Variants in RAB3GAP1 observed in about 807,000 individuals in gnomAD.
RAB3GAP1 encodes rab3 GTPase-activating protein catalytic subunit.
Under a neutral mutation model 130.7 loss-of-function variants are expected in RAB3GAP1, and 86 were observed. The ratio of observed to expected loss-of-function variants is 0.66; its 90% CI spans 0.55 to 0.79. The LOEUF (loss-of-function observed/expected upper bound fraction) is 0.79. RAB3GAP1 is among the 30% of genes least tolerant of loss of function. RAB3GAP1 has a pLI of 0.00. For missense variants in RAB3GAP1, 1,029 were observed against 1,169.4 expected (o/e 0.88, Z 1.75); for synonymous variants, 367 against 401.7 (o/e 0.91, Z 1.03).
At chr2:135,121,640 T>C (rs1691204652) in intron 8 of RAB3GAP1, among the ~76,000 whole-genome samples, 1 of 152,236 alleles carries the variant, frequency 6.6e-6, no homozygotes, top group Non-Finnish European at 1.5e-5. Flanking sequence ...ATACAAACTT[T>C]TAAAATATAA....
intron 24 of RAB3GAP1, among the ~76,000 whole-genome samples, chr2:135,175,866 A>G (rs1280580711): frequency 6.6e-6 from 1 of 152,242 alleles, no homozygotes; most frequent in Non-Finnish European, 1.5e-5. Flanking sequence ...AAAGATATGC[A>G]AGGTTTCCAG....
At position 135,130,542 on chromosome 2, in the gene RAB3GAP1, CTT is replaced by C. The variant is rs908592417; in HGVS notation, c.1067-6_1067-5del. The C allele has an allele frequency of 1.9e-6, 3 of 1,607,850 alleles. No homozygotes were observed. Among genetic ancestry groups the C allele is most frequent in the Non-Finnish European group, 2.6e-6 (3 of 1,175,424 alleles). ...GATATAATTTATATTTATTTCTGTT[CTT>C]TTTATAGAAACTGCTGATATAACTC... is the stretch of plus-strand genomic sequence containing the variant. On this transcript the variant is annotated splice_region_variant and splice_polypyrimidine_tract_variant and intron_variant, in intron 12 of 23. Coordinates refer to ENST00000264158, the MANE Select transcript of RAB3GAP1 (RefSeq NM_012233.3).
At chr2:135,067,893 G>T (rs545137108) in intron 3 of RAB3GAP1, among the ~76,000 whole-genome samples, 3 of 152,104 alleles carry the variant, frequency 2.0e-5, no homozygotes, top group Non-Finnish European at 4.4e-5. Context: ...ACCATGCCCA[G>T]CTAATTGGTT....
At chr2:135,124,046 A>C (rs971513624) in intron 8 of RAB3GAP1, 119 bp from the exon 9 acceptor site, 17 of 943,056 alleles carry the variant, frequency 1.8e-5, no homozygotes, top group African/African-American at 3.3e-5. Context: ...TAACTTGCTA[A>C]CTTGCTACAT....
chr2:135,164,745 C>CCCAAGTAGAGGT, intron 23 of RAB3GAP1, 49 bp downstream of exon 23: 2 of 1,457,584 alleles, frequency 1.4e-6, no homozygotes, highest in Non-Finnish European at 1.9e-6. Flanking sequence ...CAAACCTCTA[C>CCCAAGTAGAGGT]TTGGGAAGAG....
intron 18 of RAB3GAP1, 140 bp downstream of exon 18, chr2:135,150,646 G>T (rs1692148481): frequency 9.2e-7 from 1 of 1,083,036 alleles, no homozygotes; most frequent in African/African-American, 1.6e-5. Flanking sequence ...TCAACACTCT[G>T]CCACCATCCC....
intron 7 of RAB3GAP1, among the ~76,000 whole-genome samples, chr2:135,117,465 TCTGCTTCTG>T (rs1691013568): frequency 7.7e-6 from 1 of 130,000 alleles, no homozygotes; most frequent in East Asian, 2.2e-4. Context: ...TGCTTCTGCT[TCTGCTTCTG>T]CTTCTTCTGC....
chr2:135,102,787 G>A (rs146406422), intron 5 of RAB3GAP1, among the ~76,000 whole-genome samples: 5,643 of 151,988 alleles, frequency 0.037, 310 homozygotes, highest in African/African-American at 0.13. Context: ...ATGCCAAGGC[G>A]GGCGGATCAC....
Position 135,153,825 on chromosome 2 carries a change from T to A in RAB3GAP1, c.2238T>A (p.Ile746=). 1 of 1,614,016 alleles carries A rather than the reference T, an allele frequency of 6.2e-7. No individual in the cohort carries two copies. The highest frequency in any genetic ancestry group is 2.2e-5 in the East Asian group (1 of 44,878). Reference sequence around the variant, plus strand: ...AAGCCTGGGAAACAGCTAAGCCAATTCCTGCTAGAAGGCAAAGGAGACTCT... The same window carrying A: ...AAGCCTGGGAAACAGCTAAGCCAATACCTGCTAGAAGGCAAAGGAGACTCT... The part of the protein sequence containing the change: ...WVEAWETAKP[I]PARRQRRLFD... Residue 746 remains isoleucine (I), a synonymous_variant, in exon 19 of 24, where the codon ATT becomes ATA. Transcript: ENST00000264158.
chr2:135,111,770 T>C (rs577002141), intron 5 of RAB3GAP1, among the ~76,000 whole-genome samples: 1 of 152,354 alleles, frequency 6.6e-6, no homozygotes, highest in African/African-American at 2.4e-5. Context: ...TTGTTTCTTT[T>C]TTTTCTTTCA....
chr2:135,058,597 T>TATGG (rs1278652922), intron 3 of RAB3GAP1: 3 of 152,208 alleles, frequency 2.0e-5, no homozygotes, highest in Non-Finnish European at 2.9e-5. Context: ...CTTTTTAACT[T>TATGG]ATGGATGTTT....
At chr2:135,105,442 C>T (rs1366505314) in intron 5 of RAB3GAP1, among the ~76,000 whole-genome samples, 2 of 151,784 alleles carry the variant, frequency 1.3e-5, no homozygotes, top group Admixed American at 6.6e-5. Flanking sequence ...CTCTGTTGGC[C>T]GGGCTGGTCT....
intron 22 of RAB3GAP1, among the ~76,000 whole-genome samples, chr2:135,163,576 T>C (rs1456354478): frequency 1.3e-5 from 2 of 152,256 alleles, no homozygotes; most frequent in African/African-American, 4.8e-5. Context: ...TTTTGAAAGA[T>C]TGACCAGATG....
At chr2:135,117,456 G>GCTTCTTCTTCTTCTT (rs1691010625) in intron 7 of RAB3GAP1, among the ~76,000 whole-genome samples, 3 of 41,922 alleles carry the variant, frequency 7.2e-5, no homozygotes, top group African/African-American at 1.2e-4. Context: ...TTCTTCTTCT[G>GCTTCTTCTTCTTCTT]CTTCTGCTTC....
Position 135,145,399 on chromosome 2 carries a change from T to TAC in RAB3GAP1, c.1924-4947_1924-4946dup, listed in dbSNP as rs10603690. Reference sequence around the variant, plus strand: ...CACCCCTCACCAACACACACACACATACACACACACACACACACACACACT... The same window carrying TAC: ...CACCCCTCACCAACACACACACACATACACACACACACACACACACACACACT... On this transcript the variant is annotated intron_variant, in intron 17 of 23. Transcript: ENST00000264158. 8.8e-3 allele frequency among the ~76,000 whole-genome samples: 1,300 copies of TAC among 147,078 alleles called. 12 individuals are homozygous for TAC. Among genetic ancestry groups the TAC allele is most frequent in the African/African-American group, 0.02 (787 of 40,008 alleles).
At chr2:135,147,615 T>TCCCCCC (rs1553448280) in intron 17 of RAB3GAP1, among the ~76,000 whole-genome samples, 4 of 133,052 alleles carry the variant, frequency 3.0e-5, no homozygotes, top group South Asian at 5.8e-4. Flanking sequence ...AGTAGTCCCC[T>TCCCCCC]CCCCCCCCCT....
At chr2:135,139,117 C>G (rs1421257894) in intron 17 of RAB3GAP1, among the ~76,000 whole-genome samples, 1 of 152,072 alleles carries the variant, frequency 6.6e-6, no homozygotes, top group East Asian at 1.9e-4. Flanking sequence ...CTTATTGATT[C>G]ATATGAATTC....
At chr2:135,116,807 G>A (rs1351980925) in intron 7 of RAB3GAP1, among the ~76,000 whole-genome samples, 5 of 152,044 alleles carry the variant, frequency 3.3e-5, no homozygotes, top group East Asian at 3.9e-4. Flanking sequence ...TATGAACTCC[G>A]TGAAAGTCAT....
intron 17 of RAB3GAP1, among the ~76,000 whole-genome samples, chr2:135,148,618 C>T (rs910893478): frequency 1.3e-5 from 2 of 149,824 alleles, no homozygotes. Flanking sequence ...CCTCAGCCTC[C>T]TGAGTAGCTG....
Sources: gnomAD v4.1 joint callset for allele counts (sites outside exome capture counted in the v4.1 genomes callset) on GRCh38, gnomAD v4.1.1 for gene constraint, MANE v1.5 for transcripts, NCBI Gene and HGNC (gene_info 2026-07-23, HGNC 2026-07-21) for gene names.